SLC35A3: variants seen among roughly 807,000 people sequenced by gnomAD.
The protein encoded by SLC35A3 is UDP-N-acetylglucosamine transporter.
A neutral mutation model predicts 39.0 loss-of-function variants in SLC35A3; 26 were observed. The observed-to-expected ratio is 0.67, with a 90% CI of 0.49 to 0.92. The LOEUF (loss-of-function observed/expected upper bound fraction) is 0.92, where lower values mean the gene tolerates loss of function less well. Ranked by LOEUF, SLC35A3 falls within the 40% of genes least tolerant of loss-of-function variation. SLC35A3 has a pLI of 0.00. For synonymous variants in SLC35A3, 135 were observed against 133.1 expected (o/e 1.01, Z -0.10); for missense variants, 299 against 371.6 (o/e 0.80, Z 1.61).
chr1:100,003,829 A>C (rs966369189), intron 3 of SLC35A3, among the ~76,000 whole-genome samples: 1 of 152,198 alleles, frequency 6.6e-6, no homozygotes, highest in African/African-American at 2.4e-5. Context: ...TATATTTAGA[A>C]TTGCTTTATA....
At chr1:99,981,407 G>T (rs979814862) in intron 1 of SLC35A3, among the ~76,000 whole-genome samples, 1 of 152,052 alleles carries the variant, frequency 6.6e-6, no homozygotes, top group Non-Finnish European at 1.5e-5. Context: ...TATAATAGAA[G>T]GAAAATTGAC....
chr1:100,026,482 C>T lies in SLC35A3; in HGVS notation c.*4006C>T, dbSNP rs1363588594. 1 of 152,154 alleles carries T rather than the reference C, an allele frequency of 6.6e-6. No individual in the cohort carries two copies. The highest frequency in any genetic ancestry group is 1.5e-5 in the Non-Finnish European group (1 of 68,016). 9.4% of individuals were successfully genotyped at this position (152,154 alleles called of 1,614,324 possible). ...TGTTCCTGTAATTCACAACTGTAGA[C>T]ACATGGGCAAAATTAGGATTTTTAA... On this transcript the variant is annotated 3_prime_UTR_variant, in exon 8 of 8. Transcript: ENST00000533028.
chr1:99,982,367 T>G (rs1296252258), intron 1 of SLC35A3, among the ~76,000 whole-genome samples: 2 of 152,180 alleles, frequency 1.3e-5, no homozygotes, highest in Non-Finnish European at 2.9e-5. Context: ...TTTTAGAACT[T>G]GGTGTAGATC....
intron 6 of SLC35A3, among the ~76,000 whole-genome samples, chr1:100,016,263 A>G (rs1660104190): frequency 6.6e-6 from 1 of 151,256 alleles, no homozygotes; most frequent in Admixed American, 6.6e-5. Context: ...CGGGGGTTTC[A>G]CCATGTTAGC....
intron 2 of SLC35A3, among the ~76,000 whole-genome samples, chr1:99,996,611 A>G (rs1658412476): frequency 6.6e-6 from 1 of 152,174 alleles, no homozygotes; most frequent in Non-Finnish European, 1.5e-5. Context: ...TTTGGTGCAC[A>G]CCTATAGTCC....
At chr1:99,993,821 C>A in intron 2 of SLC35A3, 80 bp downstream of exon 2, 1 of 1,257,312 alleles carries the variant, frequency 8.0e-7, no homozygotes, top group Non-Finnish European at 1.1e-6. Flanking sequence ...CACATTTGCA[C>A]TCTTGCATTG....
At chr1:100,003,145 G>T (rs1172035627) in intron 3 of SLC35A3, among the ~76,000 whole-genome samples, 1 of 152,068 alleles carries the variant, frequency 6.6e-6, no homozygotes, top group Admixed American at 6.5e-5. Context: ...GCTGGGCACA[G>T]TGGCTCACGC....
At chr1:100,009,425 T>C (rs1364951946) in intron 4 of SLC35A3, 1 of 152,230 alleles carries the variant, frequency 6.6e-6, no homozygotes, top group African/African-American at 2.4e-5. Context: ...GACAAAGATA[T>C]GGCGAGAGAT....
At position 100,028,802 on chromosome 1, in the gene SLC35A3, C is replaced by G. The variant is rs991082239; in HGVS notation, c.*6326C>G. The G allele has an allele frequency of 5.9e-5, 9 of 152,150 alleles. No individual in the cohort carries two copies. Among genetic ancestry groups the G allele is most frequent in the African/African-American group, 1.9e-4 (8 of 41,432 alleles). 9.4% of individuals were successfully genotyped at this position (152,150 alleles called of 1,614,324 possible). A position where few individuals can be genotyped will look rare whatever the true frequency, so the allele number is the denominator to read the frequency against. ...TGGTCATTGCAAATTCAGGGGTTTC[C>G]CAAGTTCACCCTCAGTTCTGGCTAG... On this transcript the variant is annotated 3_prime_UTR_variant, in exon 8 of 8. Transcript: ENST00000533028.
Position 99,972,658 on chromosome 1 carries a change from C to G in SLC35A3, c.-19+2496C>G, listed in dbSNP as rs1656886046. Among the ~76,000 whole-genome samples, 3 of 152,060 alleles carry G rather than the reference C, an allele frequency of 2.0e-5. No homozygotes were observed. The South Asian group carries it at 6.2e-4, about 32-fold the overall frequency. On this transcript the variant is annotated intron_variant, in intron 1 of 7. Transcript: ENST00000533028. ...GCCTGTACTTACTACATTTTTAAAG[C>G]ACTTTAGTACTTGAACACATCATGA...
At position 100,033,870 on chromosome 1, in the gene SLC35A3, C is replaced by T. The variant is rs1661374227; in HGVS notation, c.*11394C>T. 2.0e-5 allele frequency: 3 copies of T among 152,048 alleles called. No homozygotes were observed. The South Asian group carries it at 6.2e-4, about 32-fold the overall frequency. The allele number at this position is 152,048 out of a possible 1,614,324, so 9.4% of individuals were successfully genotyped here. On this transcript the variant is annotated 3_prime_UTR_variant, in exon 8 of 8. Coordinates refer to ENST00000533028, the MANE Select transcript of SLC35A3 (RefSeq NM_012243.3). ...TATTTAATAACCTACTGATACTTAC[C>T]TGAAGTCTCTCTGGTCAACTTTTGG...
At chr1:100,010,138 A>G (rs116607626) in intron 4 of SLC35A3, among the ~76,000 whole-genome samples, 1 of 152,144 alleles carries the variant, frequency 6.6e-6, no homozygotes, top group Non-Finnish European at 1.5e-5. Context: ...CGATGACCCT[A>G]TTGAGGGTGA....
rs538758821 is a variant in SLC35A3, at chr1:99,972,484, C to T, written c.-19+2322C>T. Among the ~76,000 whole-genome samples the T allele has an allele frequency of 2.1e-3, 318 of 151,766 alleles. 2 individuals carry two copies. The highest frequency in any genetic ancestry group is 6.6e-3 in the African/African-American group (272 of 41,370). On this transcript the variant is annotated intron_variant, in intron 1 of 7. Transcript: ENST00000533028. ...TCGAGTAGCTGGGACTACAGGCGTG[C>T]ATCACCACACCTAGCTAATTTTTGT...
intron 2 of SLC35A3, 41 bp from the exon 3 acceptor site, chr1:99,999,220 A>T: frequency 7.7e-7 from 1 of 1,300,406 alleles, no homozygotes; most frequent in Non-Finnish European, 1.0e-6. Flanking sequence ...TAACTTATTC[A>T]GAGTTACTTA....
At chr1:99,993,828 A>G (rs1658231352) in intron 2 of SLC35A3, 87 bp downstream of exon 2, 1 of 1,158,712 alleles carries the variant, frequency 8.6e-7, no homozygotes, top group African/African-American at 1.6e-5. Context: ...GCACTCTTGC[A>G]TTGTCGAATG....
At chr1:100,010,885 T>A (rs1659583512) in intron 4 of SLC35A3, among the ~76,000 whole-genome samples, 1 of 152,184 alleles carries the variant, frequency 6.6e-6, no homozygotes, top group Non-Finnish European at 1.5e-5. Context: ...ACTCAGAGTT[T>A]TCCTTCCCTG....
Position 100,027,147 on chromosome 1 carries a change from A to G in SLC35A3, c.*4671A>G, listed in dbSNP as rs138097451. The G allele has an allele frequency of 0.012, 4,745 of 398,536 alleles. 39 individuals carry two copies. The highest frequency in any genetic ancestry group is 0.037 in the Middle Eastern group (59 of 1,590). The allele number at this position is 398,536 out of a possible 1,614,324, so 24.7% of individuals were successfully genotyped here. A position where few individuals can be genotyped will look rare whatever the true frequency, so the allele number is the denominator to read the frequency against. On this transcript the variant is annotated 3_prime_UTR_variant, in exon 8 of 8. Coordinates refer to ENST00000533028, the MANE Select transcript of SLC35A3 (RefSeq NM_012243.3). ...TCTTTCTTCCTTTTCTCTAGCCCAT[A>G]TTCTAGCATGAAATACTGGGTTGGC... is the stretch of plus-strand genomic sequence containing the variant.
At chr1:100,005,588 A>G (rs919605990) in intron 3 of SLC35A3, among the ~76,000 whole-genome samples, 1 of 152,158 alleles carries the variant, frequency 6.6e-6, no homozygotes, top group Non-Finnish European at 1.5e-5. Context: ...CCTGACTTCA[A>G]GTTCAGAAAT....
At chr1:100,004,266 G>A (rs1659038935) in intron 3 of SLC35A3, among the ~76,000 whole-genome samples, 1 of 152,064 alleles carries the variant, frequency 6.6e-6, no homozygotes, top group Non-Finnish European at 1.5e-5. Flanking sequence ...TTTTTATCAT[G>A]GTAGATACTG....
Sources: gnomAD v4.1 joint callset for allele counts (sites outside exome capture counted in the v4.1 genomes callset) on GRCh38, gnomAD v4.1.1 for gene constraint, MANE v1.5 for transcripts, NCBI Gene and HGNC (gene_info 2026-07-23, HGNC 2026-07-21) for gene names.